The following AK9 variants were observed in gnomAD, a reference collection of about 807,000 sequenced individuals.
AK9 encodes the protein adenylate kinase domain containing 1.
In AK9, 191 loss-of-function variants were observed where a neutral mutation model predicts 239.6. That is an observed-to-expected ratio of 0.80 (90% CI 0.71 to 0.90). AK9 has a LOEUF of 0.90. AK9 is among the 40% of genes least tolerant of loss of function. The pLI, the probability that AK9 is intolerant of heterozygous loss-of-function variation, is 0.00. For missense variants in AK9, 1,995 were observed against 2,214.7 expected (o/e 0.90, Z 1.99); for synonymous variants, 689 against 721.0 (o/e 0.96, Z 0.71).
intron 29 of AK9, among the ~76,000 whole-genome samples, chr6:109,527,263 GA>G: frequency 6.6e-6 from 1 of 152,292 alleles, no homozygotes; most frequent in East Asian, 1.9e-4. Context: ...TCTAATGTTG[GA>G]AATGTCCCAT....
In AK9 at chr6:109,580,401, A is replaced by G. The variant is rs532348633; in HGVS notation, c.2115-775T>C. Among the ~76,000 whole-genome samples the G allele has an allele frequency of 1.8e-4, 28 of 152,298 alleles. No homozygotes were observed. In the South Asian group the frequency reaches 2.3e-3, roughly 12 times the overall value. ...ATTAAAATGTTTGATCTAGAAATCT[A>G]TATCTAGGAATTTAGCCCTCAGAAA... On this transcript the variant is annotated intron_variant, in intron 19 of 40. Transcript: ENST00000424296.
intron 13 of AK9, among the ~76,000 whole-genome samples, chr6:109,615,451 C>A (rs1794070022): frequency 6.6e-6 from 1 of 152,058 alleles, no homozygotes; most frequent in South Asian, 2.1e-4. Context: ...TAACAAGCCA[C>A]TTTAGTAGAC....
At chr6:109,571,042 A>C (rs975383527) in intron 21 of AK9, among the ~76,000 whole-genome samples, 2 of 152,236 alleles carry the variant, frequency 1.3e-5, no homozygotes, top group Admixed American at 1.3e-4. Flanking sequence ...CAATGATTTA[A>C]TAGCCTCTAA....
intron 17 of AK9, among the ~76,000 whole-genome samples, chr6:109,599,433 T>C (rs917142707): frequency 7.9e-5 from 12 of 152,218 alleles, no homozygotes; most frequent in Admixed American, 2.0e-4. Flanking sequence ...CATTGGTCTA[T>C]GTATCTGTTT....
At chr6:109,581,409 G>A (rs775981493) in intron 19 of AK9, among the ~76,000 whole-genome samples, 3 of 152,174 alleles carry the variant, frequency 2.0e-5, no homozygotes, top group Non-Finnish European at 4.4e-5. Context: ...GAAATTAAAT[G>A]TGCTACTCCA....
intron 27 of AK9, among the ~76,000 whole-genome samples, chr6:109,540,585 C>T (rs9320293): frequency 0.19 from 28,848 of 152,144 alleles, 3,219 homozygotes; most frequent in South Asian, 0.34. Flanking sequence ...CTTTGGCTCA[C>T]GCTCAGTGGG....
At chr6:109,554,331 T>C (rs1020680009) in intron 24 of AK9, among the ~76,000 whole-genome samples, 2 of 152,142 alleles carry the variant, frequency 1.3e-5, no homozygotes, top group African/African-American at 4.8e-5. Context: ...GATCCTGGGC[T>C]TTTTATGGTT....
intron 10 of AK9, among the ~76,000 whole-genome samples, chr6:109,636,469 A>T (rs1251845907): frequency 6.6e-6 from 1 of 151,898 alleles, no homozygotes; most frequent in Non-Finnish European, 1.5e-5. Context: ...TATTAAGTAT[A>T]TTCACTGTGT....
chr6:109,506,186 T>C (rs1778099641), intron 35 of AK9, 141 bp downstream of exon 35: 3 of 705,668 alleles, frequency 4.3e-6, no homozygotes, highest in East Asian at 5.4e-5. Flanking sequence ...CTATTATATA[T>C]AGTATTGGAT....
intron 32 of AK9, among the ~76,000 whole-genome samples, chr6:109,513,926 TC>T (rs1779003141): frequency 6.6e-6 from 1 of 152,166 alleles, no homozygotes; most frequent in Admixed American, 6.5e-5. Flanking sequence ...CCCCACCGAA[TC>T]AGCAGGAGAA....
chr6:109,583,074 T>C (rs1262622034), intron 19 of AK9, among the ~76,000 whole-genome samples: 2 of 152,208 alleles, frequency 1.3e-5, no homozygotes, highest in Non-Finnish European at 2.9e-5. Context: ...TGTGTAAACA[T>C]AACTTTTATA....
intron 27 of AK9, among the ~76,000 whole-genome samples, chr6:109,539,110 T>C (rs1359759810): frequency 1.3e-5 from 2 of 152,174 alleles, no homozygotes; most frequent in Admixed American, 6.5e-5. Context: ...GAGGAGTATC[T>C]TTGTGGCGTT....
chr6:109,543,620 G>A (rs975850169), intron 26 of AK9, among the ~76,000 whole-genome samples: 1 of 151,894 alleles, frequency 6.6e-6, no homozygotes, highest in African/African-American at 2.4e-5. Flanking sequence ...GCTAATTTTT[G>A]TACTTTTAGT....
At chr6:109,601,880 A>G (rs1792036126) in intron 17 of AK9, among the ~76,000 whole-genome samples, 1 of 152,112 alleles carries the variant, frequency 6.6e-6, no homozygotes, top group Non-Finnish European at 1.5e-5. Context: ...CTATTTTATC[A>G]GAGACTAGGA....
intron 24 of AK9, among the ~76,000 whole-genome samples, chr6:109,555,745 C>T (rs74670927): frequency 6.6e-6 from 1 of 152,182 alleles, no homozygotes; most frequent in Admixed American, 6.5e-5. Context: ...TGAATTGTTC[C>T]CTTTACCATT....
chr6:109,660,710 G>C (rs1281488397), intron 6 of AK9, among the ~76,000 whole-genome samples: 4 of 152,154 alleles, frequency 2.6e-5, no homozygotes, highest in East Asian at 3.8e-4. Flanking sequence ...AATGACTAAT[G>C]AAAGTGTGAG....
At chr6:109,674,147 A>G in intron 3 of AK9, 51 bp downstream of exon 3, 1 of 1,413,958 alleles carries the variant, frequency 7.1e-7, no homozygotes, top group Non-Finnish European at 9.6e-7. Flanking sequence ...CATTTTATGA[A>G]TATTTGAAAG....
intron 6 of AK9, 66 bp downstream of exon 6, chr6:109,662,485 T>A: frequency 2.4e-6 from 3 of 1,253,302 alleles, no homozygotes; most frequent in Non-Finnish European, 3.1e-6. Flanking sequence ...TTTAAAGCAT[T>A]CCTTGAATTT....
intron 36 of AK9, 35 bp from the exon 37 acceptor site, chr6:109,498,000 A>C: frequency 6.2e-7 from 1 of 1,608,348 alleles, no homozygotes; most frequent in Non-Finnish European, 8.5e-7. Flanking sequence ...AACATGATTT[A>C]AACCAGAAAT....
Sources: allele counts gnomAD v4.1 joint callset (sites outside exome capture counted in the v4.1 genomes callset), GRCh38; gene constraint gnomAD v4.1.1; transcripts MANE v1.5; gene names NCBI Gene and HGNC (gene_info 2026-07-23, HGNC 2026-07-21).